The following SMYD3 variants were observed in gnomAD, a reference collection of about 807,000 sequenced individuals.
SMYD3 encodes SET and MYND domain containing 3, also known as histone-lysine N-methyltransferase SMYD3.
In SMYD3, 36 loss-of-function variants were observed where a neutral mutation model predicts 57.7. The observed-to-expected ratio is 0.62, with a 90% CI of 0.48 to 0.82. The LOEUF is 0.82. SMYD3 is among the 40% of genes least tolerant of loss of function. The pLI, the probability that SMYD3 is intolerant of heterozygous loss-of-function variation, is 0.00. For missense variants in SMYD3, 515 were observed against 538.8 expected, an observed-to-expected ratio of 0.96 and a Z score of 0.44; for synonymous variants, 211 against 195.0, an observed-to-expected ratio of 1.08 and a Z score of -0.68.
At chr1:246,085,722 T>C (rs1439349356) in intron 5 of SMYD3, among the ~76,000 whole-genome samples, 1 of 152,178 alleles carries the variant, frequency 6.6e-6, no homozygotes, top group Non-Finnish European at 1.5e-5. Context: ...CTTCATTTCC[T>C]TATGAAGTCT....
chr1:245,874,847 G>A (rs1158408603), intron 8 of SMYD3, among the ~76,000 whole-genome samples: 1 of 152,242 alleles, frequency 6.6e-6, no homozygotes, highest in Non-Finnish European at 1.5e-5. Flanking sequence ...GCTGGAGGGT[G>A]GGTCACCCCA....
In SMYD3 at chr1:246,377,185, A is replaced by G. The variant is rs574224604; in HGVS notation, c.165-22091T>C. On this transcript the variant is annotated intron_variant, in intron 1 of 11. Coordinates refer to ENST00000490107, the MANE Select transcript of SMYD3 (RefSeq NM_001167740.2). ...TTAATAAAAAATAACTAAATTTTTC[A>G]AAACAAAAATAAGTTAGTGAGGAAA... 9.8e-5 allele frequency among the ~76,000 whole-genome samples: 15 copies of G among 152,306 alleles called. No homozygotes were observed. The South Asian group carries it at 2.3e-3, about 23-fold the overall frequency.
intron 1 of SMYD3, among the ~76,000 whole-genome samples, chr1:246,423,536 A>G (rs1299185540): frequency 6.6e-6 from 1 of 151,924 alleles, no homozygotes; most frequent in Non-Finnish European, 1.5e-5. Flanking sequence ...CCCTACCTCT[A>G]AAAAAATGTT....
At chr1:246,362,306 C>A (rs554557561) in intron 1 of SMYD3, among the ~76,000 whole-genome samples, 4 of 152,260 alleles carry the variant, frequency 2.6e-5, no homozygotes, top group African/African-American at 9.6e-5. Flanking sequence ...CCATTTAATT[C>A]AATTACTACT....
chr1:245,899,935 C>T (rs761716318), intron 8 of SMYD3, among the ~76,000 whole-genome samples: 5 of 152,166 alleles, frequency 3.3e-5, no homozygotes, highest in Non-Finnish European at 7.3e-5. Flanking sequence ...ACTTACACCA[C>T]TGGCTCTCCT....
intron 8 of SMYD3, among the ~76,000 whole-genome samples, chr1:245,885,190 A>G (rs1242464651): frequency 6.6e-6 from 1 of 152,140 alleles, no homozygotes; most frequent in Non-Finnish European, 1.5e-5. Flanking sequence ...CGGAAGGAAG[A>G]AACTCTGGAC....
chr1:246,096,326 T>C (rs1573015414), intron 5 of SMYD3: 1 of 152,198 alleles, frequency 6.6e-6, no homozygotes, highest in Non-Finnish European at 1.5e-5. Flanking sequence ...ATCTGAAATA[T>C]TAATCCTAAA....
chr1:246,249,156 G>A (rs970583128), intron 5 of SMYD3, among the ~76,000 whole-genome samples: 2 of 151,878 alleles, frequency 1.3e-5, no homozygotes, highest in African/African-American at 2.4e-5. Flanking sequence ...CTGTCACCCA[G>A]GCTGGAGCAA....
chr1:246,374,547 C>T (rs1572434313), intron 1 of SMYD3, among the ~76,000 whole-genome samples: 1 of 138,260 alleles, frequency 7.2e-6, no homozygotes, highest in Admixed American at 7.8e-5. Context: ...AGTGCTGTCT[C>T]GTGTCCCTAA....
At chr1:246,463,679 A>AAC (rs1221977130) in intron 1 of SMYD3, among the ~76,000 whole-genome samples, 3 of 149,304 alleles carry the variant, frequency 2.0e-5, no homozygotes, top group Non-Finnish European at 4.5e-5. Context: ...AAAAAAAAAA[A>AAC]AAAAACATTA....
chr1:245,969,617 G>C (rs559039474), intron 5 of SMYD3, among the ~76,000 whole-genome samples: 2 of 152,288 alleles, frequency 1.3e-5, no homozygotes, highest in African/African-American at 4.8e-5. Flanking sequence ...ACTAACCAAG[G>C]GGGGAAAGGC....
At chr1:246,209,893 C>A (rs2063060804) in intron 5 of SMYD3, among the ~76,000 whole-genome samples, 1 of 152,170 alleles carries the variant, frequency 6.6e-6, no homozygotes, top group South Asian at 2.1e-4. Flanking sequence ...TGGGAGGGAA[C>A]AGACTGAACA....
intron 5 of SMYD3, among the ~76,000 whole-genome samples, chr1:246,088,479 A>G (rs367566835): frequency 0.045 from 4,868 of 107,448 alleles, 228 homozygotes; most frequent in African/African-American, 0.16. Context: ...GCGTGGTGAC[A>G]GGCGCCTGTA....
intron 1 of SMYD3, among the ~76,000 whole-genome samples, chr1:246,498,455 C>CG (rs2068401692): frequency 6.6e-6 from 1 of 152,136 alleles, no homozygotes; most frequent in African/African-American, 2.4e-5. Context: ...ACATATAGGC[C>CG]GGGCACAGTG....
At chr1:245,768,493 A>C (rs1168360195) in intron 10 of SMYD3, among the ~76,000 whole-genome samples, 1 of 152,202 alleles carries the variant, frequency 6.6e-6, no homozygotes, top group Non-Finnish European at 1.5e-5. Flanking sequence ...ATTACCAATC[A>C]CATTATTCCG....
intron 5 of SMYD3, among the ~76,000 whole-genome samples, chr1:246,042,666 C>T (rs1298880433): frequency 6.6e-6 from 1 of 152,206 alleles, no homozygotes; most frequent in Non-Finnish European, 1.5e-5. Flanking sequence ...TTCTCTTACA[C>T]GGTTTCCTTT....
intron 5 of SMYD3, among the ~76,000 whole-genome samples, chr1:246,286,691 C>G (rs1467571642): frequency 2.0e-5 from 3 of 152,060 alleles, no homozygotes; most frequent in Non-Finnish European, 4.4e-5. Context: ...ATGGCACATA[C>G]CAGACACTCA....
At chr1:245,927,866 C>G in intron 7 of SMYD3, 65 bp downstream of exon 7, 2 of 1,306,556 alleles carry the variant, frequency 1.5e-6, no homozygotes, top group African/African-American at 1.4e-5. Context: ...GTTTTAGGGA[C>G]GGGCCGAGCT....
chr1:245,770,129 T>C lies in SMYD3; in HGVS notation c.1077-5980A>G, dbSNP rs958837397. Reference sequence around the variant, plus strand: ...ACGAAATGCTGTAAACAGGAAAACATAGACAAAAAAGTATTTTTAAGAATC... The same window carrying C: ...ACGAAATGCTGTAAACAGGAAAACACAGACAAAAAAGTATTTTTAAGAATC... On this transcript the variant is annotated intron_variant, in intron 10 of 11. Coordinates refer to ENST00000490107, the MANE Select transcript of SMYD3 (RefSeq NM_001167740.2). Among the ~76,000 whole-genome samples the C allele has an allele frequency of 7.2e-5, 11 of 152,304 alleles. No individual in the cohort carries two copies. The East Asian group carries it at 1.2e-3, about 16-fold the overall frequency.
Sources: allele counts gnomAD v4.1 joint callset (sites outside exome capture counted in the v4.1 genomes callset), GRCh38; gene constraint gnomAD v4.1.1; transcripts MANE v1.5; gene names NCBI Gene and HGNC (gene_info 2026-07-23, HGNC 2026-07-21).